RPS6KA2: variants seen among roughly 807,000 people sequenced by gnomAD.
RPS6KA2 encodes ribosomal protein S6 kinase alpha-2.
In RPS6KA2, 42 loss-of-function variants were observed where a neutral mutation model predicts 91.8. The ratio of observed to expected loss-of-function variants is 0.46; its 90% CI spans 0.36 to 0.59. The LOEUF (loss-of-function observed/expected upper bound fraction) is 0.59. Ranked by LOEUF, RPS6KA2 falls within the 20% of genes least tolerant of loss-of-function variation. The probability of loss-of-function intolerance (pLI) is 0.00; values close to 1 mark genes in which losing one functional copy is unlikely to be tolerated. For synonymous variants in RPS6KA2, 414 were observed against 393.6 expected (o/e 1.05, Z -0.61); for missense variants, 798 against 978.5 (o/e 0.82, Z 2.46).
At chr6:166,741,428 T>G (rs780885375) in intron 2 of RPS6KA2, among the ~76,000 whole-genome samples, 1 of 152,248 alleles carries the variant, frequency 6.6e-6, no homozygotes, top group Non-Finnish European at 1.5e-5. Flanking sequence ...GAGTGTTGAA[T>G]GTCAAATCAT....
intron 1 of RPS6KA2, among the ~76,000 whole-genome samples, chr6:166,861,413 G>C (rs1781043926): frequency 6.6e-6 from 1 of 152,170 alleles, no homozygotes; most frequent in Non-Finnish European, 1.5e-5. Context: ...CTAGGAAAAT[G>C]TATGTTGACC....
At chr6:166,632,526 C>A (rs1052879366) in intron 2 of RPS6KA2, among the ~76,000 whole-genome samples, 1 of 151,910 alleles carries the variant, frequency 6.6e-6, no homozygotes, top group Non-Finnish European at 1.5e-5. Context: ...GCAGGAGCAT[C>A]CCTTGAACCT....
chr6:166,416,454 TCTCA>T lies in RPS6KA2; in HGVS notation c.1938+1767_1938+1770del, dbSNP rs749470525. Among the ~76,000 whole-genome samples, 894 of 148,060 alleles carry T rather than the reference TCTCA, an allele frequency of 6.0e-3. 6 individuals carry two copies. Among genetic ancestry groups the T allele is most frequent in the Non-Finnish European group, 0.01 (678 of 67,042 alleles). On this transcript the variant is annotated intron_variant, in intron 19 of 20. Transcript: ENST00000265678. ...TACCTCCACAATCACTACCATCATC[TCTCA>T]CTATCATCTCCCACCACTCCCACCG... is the stretch of plus-strand genomic sequence containing the variant.
intron 20 of RPS6KA2, among the ~76,000 whole-genome samples, chr6:166,413,285 T>G (rs1778380331): frequency 6.6e-6 from 1 of 152,146 alleles, no homozygotes; most frequent in South Asian, 2.1e-4. Flanking sequence ...ACCCTGGACT[T>G]TGGCCACTGT....
chr6:166,689,607 T>C (rs7770039), intron 2 of RPS6KA2, among the ~76,000 whole-genome samples: 38,147 of 151,990 alleles, frequency 0.25, 7,391 homozygotes, highest in African/African-American at 0.55. Flanking sequence ...TGGTCAGAGG[T>C]GATACCCCCC....
At chr6:166,487,790 CT>C (rs1007308360) in intron 10 of RPS6KA2, among the ~76,000 whole-genome samples, 5 of 152,138 alleles carry the variant, frequency 3.3e-5, no homozygotes, top group African/African-American at 1.2e-4. Context: ...TAAAAATCAC[CT>C]TAACTCCTTT....
At chr6:166,515,589 C>G (rs1345465442) in intron 3 of RPS6KA2, among the ~76,000 whole-genome samples, 4 of 152,142 alleles carry the variant, frequency 2.6e-5, no homozygotes, top group Non-Finnish European at 5.9e-5. Flanking sequence ...TTAGGATGCT[C>G]TCAACACAAG....
chr6:166,487,445 C>G (rs1781449601), intron 10 of RPS6KA2, among the ~76,000 whole-genome samples: 1 of 152,106 alleles, frequency 6.6e-6, no homozygotes, highest in Admixed American at 6.6e-5. Flanking sequence ...GGAGGAATTG[C>G]TTTACTGTGT....
chr6:166,691,919 G>A (rs375045431), intron 2 of RPS6KA2, among the ~76,000 whole-genome samples: 7 of 152,178 alleles, frequency 4.6e-5, no homozygotes, highest in African/African-American at 1.7e-4. Context: ...CAAGAAGCAC[G>A]TGAGGCCGGG....
At chr6:166,481,380 G>A (rs1437193439) in intron 10 of RPS6KA2, among the ~76,000 whole-genome samples, 2 of 152,264 alleles carry the variant, frequency 1.3e-5, no homozygotes, top group African/African-American at 4.8e-5. Context: ...GGATACTGAT[G>A]TCTGACATTG....
chr6:166,617,086 G>C (rs928693272), intron 1 of RPS6KA2, among the ~76,000 whole-genome samples: 37 of 152,244 alleles, frequency 2.4e-4, no homozygotes, highest in Admixed American at 7.9e-4. Context: ...TCACAGGCTG[G>C]AATGTGCAGA....
In RPS6KA2 at chr6:166,508,185, G is replaced by C. The variant is rs1269924328; in HGVS notation, c.459+18C>G. 6.4e-7 allele frequency: 1 copy of C among 1,570,980 alleles called. No individual in the cohort carries two copies. The highest frequency in any genetic ancestry group is 8.8e-7 in the Non-Finnish European group (1 of 1,142,102). Reference sequence around the variant, plus strand: ...GAAGCTCCTGCCCGCCCTCCTGTGTGATGTGGCGGCTGCTCACCTCTTTGG... The same window carrying C: ...GAAGCTCCTGCCCGCCCTCCTGTGTCATGTGGCGGCTGCTCACCTCTTTGG... On this transcript the variant is annotated intron_variant, in intron 5 of 20. Coordinates refer to ENST00000265678, the MANE Select transcript of RPS6KA2 (RefSeq NM_021135.6). The surrounding 1 kb of genome is among the most constrained non-coding windows in gnomAD (Gnocchi z 4.3).
At position 166,644,600 on chromosome 6, in the gene RPS6KA2, T is replaced by A. The variant is rs368376064; in HGVS notation, c.124-105816A>T. On this transcript the variant is annotated intron_variant, in intron 2 of 21. Transcript: ENST00000503859. ...AAGTATATTGCAAATGTGTTTTGGCTTAGACGTATTTTAAATAAGGGCCCA... is the reference window on the plus strand; with the variant it reads ...AAGTATATTGCAAATGTGTTTTGGCATAGACGTATTTTAAATAAGGGCCCA... Among the ~76,000 whole-genome samples, 109 of 152,316 alleles carry A rather than the reference T, an allele frequency of 7.2e-4. 1 individual carries two copies. The highest frequency in any genetic ancestry group is 6.8e-3 in the Middle Eastern group (2 of 294).
rs6932660 is a variant in RPS6KA2, at chr6:166,448,943, A to G, written c.1207-94T>C. On this transcript the variant is annotated intron_variant, in intron 13 of 20. Coordinates refer to ENST00000265678, the MANE Select transcript of RPS6KA2 (RefSeq NM_021135.6). This position sits in a 1 kb window ranked among gnomAD's most constrained non-coding sequence, Gnocchi z 4.7. Reference sequence around the variant, plus strand: ...CACAGAATGTGGGGCGAAGAGAGGCACCGACTGTGAACTGAGTGTGTGGAG... The same window carrying G: ...CACAGAATGTGGGGCGAAGAGAGGCGCCGACTGTGAACTGAGTGTGTGGAG... 412,756 of 1,477,244 alleles carry G rather than the reference A, an allele frequency of 0.28. 59,594 individuals are homozygous for G. The highest frequency in any genetic ancestry group is 0.31 in the Middle Eastern group (1,619 of 5,290). 91.5% of individuals were successfully genotyped at this position (1,477,244 alleles called of 1,614,324 possible).
intron 1 of RPS6KA2, among the ~76,000 whole-genome samples, chr6:166,556,225 T>C (rs1336774128): frequency 1.3e-5 from 2 of 152,198 alleles, no homozygotes; most frequent in Non-Finnish European, 2.9e-5. Context: ...TTCCAGGCCC[T>C]ACCTGTTGGG....
chr6:166,527,553 G>T (rs1462465715), intron 3 of RPS6KA2, among the ~76,000 whole-genome samples: 3 of 152,222 alleles, frequency 2.0e-5, no homozygotes, highest in Non-Finnish European at 4.4e-5. Context: ...AAGAATAACA[G>T]CTTTTTGGAG....
intron 1 of RPS6KA2, among the ~76,000 whole-genome samples, chr6:166,604,512 G>GT (rs1785870668): frequency 6.6e-6 from 1 of 152,210 alleles, no homozygotes; most frequent in African/African-American, 2.4e-5. Flanking sequence ...ACTGGGGATC[G>GT]TAAGGGAGCT....
At chr6:166,598,727 A>T (rs1208093784) in intron 1 of RPS6KA2, among the ~76,000 whole-genome samples, 5 of 152,362 alleles carry the variant, frequency 3.3e-5, no homozygotes, top group Admixed American at 3.3e-4. Flanking sequence ...GGAGTCAGGA[A>T]GAGAAATCAT....
intron 2 of RPS6KA2, among the ~76,000 whole-genome samples, chr6:166,677,082 A>G (rs1414335640): frequency 2.6e-5 from 4 of 152,192 alleles, no homozygotes; most frequent in Non-Finnish European, 4.4e-5. Flanking sequence ...GTGAATTTAT[A>G]TATAGTTGTT....
Sources: allele counts gnomAD v4.1 joint callset (sites outside exome capture counted in the v4.1 genomes callset), GRCh38; gene constraint gnomAD v4.1.1; non-coding constraint Gnocchi (gnomAD v3.1); transcripts MANE v1.5; gene names NCBI Gene and HGNC (gene_info 2026-07-23, HGNC 2026-07-21).